Variants in CEP128 observed in about 807,000 individuals in gnomAD.
The protein encoded by CEP128 is centrosomal protein 128kDa.
In CEP128, 132 loss-of-function variants were observed where a neutral mutation model predicts 156.7. That is an observed-to-expected ratio of 0.84 (90% CI 0.73 to 0.97). The LOEUF is 0.97. Among genes scored for constraint, CEP128 ranks in the 50% least tolerant of loss-of-function variants. The probability of loss-of-function intolerance (pLI) is 0.00; values close to 1 mark genes in which losing one functional copy is unlikely to be tolerated. For synonymous variants in CEP128, 469 were observed against 448.9 expected (o/e 1.04, Z -0.57); for missense variants, 1,252 against 1,281.9 (o/e 0.98, Z 0.36).
chr14:80,936,105 TG>T (rs1885793001), intron 2 of CEP128, among the ~76,000 whole-genome samples: 1 of 152,208 alleles, frequency 6.6e-6, no homozygotes, highest in Non-Finnish European at 1.5e-5. Context: ...GACCAGTGCC[TG>T]GGAAGTACAG....
intron 4 of CEP128, among the ~76,000 whole-genome samples, chr14:80,909,598 G>A (rs929127627): frequency 1.3e-5 from 2 of 152,150 alleles, no homozygotes; most frequent in African/African-American, 4.8e-5. Context: ...ATTACGTTAT[G>A]TAAAGGGAGA....
At chr14:80,870,073 C>A (rs945409954) in intron 8 of CEP128, among the ~76,000 whole-genome samples, 7 of 151,912 alleles carry the variant, frequency 4.6e-5, no homozygotes, top group African/African-American at 1.7e-4. Flanking sequence ...TCCAAACAAA[C>A]CAATAATGAG....
At chr14:80,540,441 C>T (rs1345330836) in intron 21 of CEP128, among the ~76,000 whole-genome samples, 1 of 152,210 alleles carries the variant, frequency 6.6e-6, no homozygotes, top group Non-Finnish European at 1.5e-5. Context: ...AAGGAGGGCA[C>T]CTGTGTGGCA....
chr14:80,685,536 T>G (rs1164467156), intron 19 of CEP128, among the ~76,000 whole-genome samples: 1 of 152,036 alleles, frequency 6.6e-6, no homozygotes, highest in African/African-American at 2.4e-5. Context: ...AATCTACAGA[T>G]TCAACGTTAT....
chr14:80,928,374 C>A (rs1005590587), intron 2 of CEP128, among the ~76,000 whole-genome samples: 3 of 151,774 alleles, frequency 2.0e-5, no homozygotes, highest in Admixed American at 2.0e-4. Flanking sequence ...AGGTGAAAAC[C>A]AACATAAAGA....
At chr14:80,796,567 C>T (rs1883497257) in intron 13 of CEP128, among the ~76,000 whole-genome samples, 1 of 152,172 alleles carries the variant, frequency 6.6e-6, no homozygotes, top group Non-Finnish European at 1.5e-5. Flanking sequence ...AATACTACTT[C>T]TCACTAGTTC....
chr14:80,838,383 G>A (rs781386939), intron 10 of CEP128, 105 bp from the exon 11 acceptor site: 3 of 708,922 alleles, frequency 4.2e-6, no homozygotes, highest in South Asian at 3.4e-5. Context: ...GTTTTCAGAA[G>A]ACATTTACAG....
intron 21 of CEP128, among the ~76,000 whole-genome samples, chr14:80,555,766 A>G (rs1183193637): frequency 6.6e-6 from 1 of 152,102 alleles, no homozygotes; most frequent in Non-Finnish European, 1.5e-5. Context: ...CATGTCCTCA[A>G]ACTGCAAAAT....
intron 20 of CEP128, among the ~76,000 whole-genome samples, chr14:80,565,383 C>T (rs10149210): frequency 0.26 from 39,149 of 151,916 alleles, 5,681 homozygotes; most frequent in African/African-American, 0.39. Context: ...ATTTGGCAAG[C>T]GCCTGCTTGC....
chr14:80,750,749 G>C (rs1899348705), intron 18 of CEP128, among the ~76,000 whole-genome samples: 1 of 151,820 alleles, frequency 6.6e-6, no homozygotes, highest in Non-Finnish European at 1.5e-5. Context: ...ATGGTTCTGG[G>C]GAAAAAACAA....
intron 2 of CEP128, among the ~76,000 whole-genome samples, chr14:80,924,515 C>A (rs1436264289): frequency 6.6e-6 from 1 of 152,074 alleles, no homozygotes; most frequent in African/African-American, 2.4e-5. Flanking sequence ...AAACGGTGAG[C>A]TAAGTAATAC....
chr14:80,550,510 A>G (rs981629899), intron 21 of CEP128, among the ~76,000 whole-genome samples: 10 of 152,056 alleles, frequency 6.6e-5, no homozygotes, highest in African/African-American at 2.4e-4. Context: ...ATTTGTTGCC[A>G]CCATTTATCC....
intron 19 of CEP128, among the ~76,000 whole-genome samples, chr14:80,624,926 G>C (rs1893645267): frequency 6.6e-6 from 1 of 152,056 alleles, no homozygotes; most frequent in South Asian, 2.1e-4. Flanking sequence ...GTTTGATATA[G>C]TCCGTTTTGT....
chr14:80,866,900 A>T (rs770534303), intron 8 of CEP128, among the ~76,000 whole-genome samples: 1 of 152,238 alleles, frequency 6.6e-6, no homozygotes, highest in Non-Finnish European at 1.5e-5. Flanking sequence ...ACACTGCACA[A>T]TCCCCAGCAG....
At chr14:80,929,070 C>T (rs117611110) in intron 2 of CEP128, among the ~76,000 whole-genome samples, 198 of 151,014 alleles carry the variant, frequency 1.3e-3, no homozygotes, top group Non-Finnish European at 2.5e-3. Context: ...ATGACATAAA[C>T]AGACAGTTCT....
chr14:80,913,725 G>A (rs544716369), intron 4 of CEP128, among the ~76,000 whole-genome samples: 8 of 152,166 alleles, frequency 5.3e-5, no homozygotes, highest in Admixed American at 2.6e-4. Context: ...CAGAAGGGAC[G>A]CAAAGGTATA....
chr14:80,718,870 T>C (rs1897708549), intron 19 of CEP128, among the ~76,000 whole-genome samples: 2 of 152,186 alleles, frequency 1.3e-5, no homozygotes, highest in African/African-American at 2.4e-5. Context: ...CACGTCTTTG[T>C]TTTTTTCTGA....
Position 80,706,383 on chromosome 14 carries a change from C to T in CEP128, c.2806+36692G>A, listed in dbSNP as rs115793694. Among the ~76,000 whole-genome samples, 588 of 151,998 alleles carry T rather than the reference C, an allele frequency of 3.9e-3. 3 individuals carry two copies. The highest frequency in any genetic ancestry group is 0.014 in the African/African-American group (562 of 41,482). ...TCAGGATATCAACATCGATATGATT[C>T]ACTAATCTTATTAAGTATTCCTCAG... On this transcript the variant is annotated intron_variant, in intron 19 of 24. Transcript: ENST00000555265.
intron 19 of CEP128, among the ~76,000 whole-genome samples, chr14:80,593,532 GCA>G: frequency 8.1e-6 from 1 of 124,150 alleles, no homozygotes. Flanking sequence ...GGGTGACAGA[GCA>G]AGACTCCATC....
Sources: gnomAD v4.1 joint callset for allele counts (sites outside exome capture counted in the v4.1 genomes callset) on GRCh38, gnomAD v4.1.1 for gene constraint, MANE v1.5 for transcripts, NCBI Gene and HGNC (gene_info 2026-07-23, HGNC 2026-07-21) for gene names.